Variants in ANO10 observed in about 807,000 individuals in gnomAD.
ANO10 encodes anoctamin-10.
Under a neutral mutation model 74.7 loss-of-function variants are expected in ANO10, and 77 were observed. The ratio of observed to expected loss-of-function variants is 1.03; its 90% CI spans 0.86 to 1.25. The LOEUF is 1.25. Ranked by LOEUF, ANO10 falls within the 50% of genes most tolerant of loss-of-function variation. The pLI, the probability that ANO10 is intolerant of heterozygous loss-of-function variation, is 0.00. For synonymous variants in ANO10, 279 were observed against 284.9 expected, an observed-to-expected ratio of 0.98 and a Z score of 0.21; for missense variants, 721 against 778.1, an observed-to-expected ratio of 0.93 and a Z score of 0.87.
intron 2 of ANO10, among the ~76,000 whole-genome samples, chr3:43,601,529 A>G (rs1374734804): frequency 1.3e-5 from 2 of 152,284 alleles, no homozygotes; most frequent in African/African-American, 2.4e-5. Context: ...TTTCTTTACT[A>G]TTTACCCTCT....
chr3:43,525,799 T>C (rs1028240962), intron 11 of ANO10, among the ~76,000 whole-genome samples: 1 of 152,184 alleles, frequency 6.6e-6, no homozygotes, highest in South Asian at 2.1e-4. Flanking sequence ...TTGTGAGTTT[T>C]CCTCCTTCTG....
chr3:43,655,458 A>C (rs1301441153), intron 1 of ANO10, among the ~76,000 whole-genome samples: 1 of 152,192 alleles, frequency 6.6e-6, no homozygotes, highest in African/African-American at 2.4e-5. Flanking sequence ...CAAAGAGCGA[A>C]AGAACAAAGC....
chr3:43,537,337 A>C (rs1200559890), intron 11 of ANO10, among the ~76,000 whole-genome samples: 2 of 152,262 alleles, frequency 1.3e-5, no homozygotes, highest in East Asian at 3.9e-4. Context: ...TTTGCTGTGA[A>C]ATATTCCCTC....
chr3:43,493,373 G>A (rs1018233747), intron 11 of ANO10, among the ~76,000 whole-genome samples: 2 of 151,880 alleles, frequency 1.3e-5, no homozygotes, highest in Non-Finnish European at 1.5e-5. Flanking sequence ...CGTAACAAAA[G>A]TGCATGTTCT....
chr3:43,690,985 C>T lies in ANO10; in HGVS notation c.-12+532G>A, dbSNP rs761573163. 21 of 1,572,646 alleles carry T rather than the reference C, an allele frequency of 1.3e-5. No homozygotes were observed. The Middle Eastern group carries it at 8.4e-4, about 63-fold the overall frequency. On this transcript the variant is annotated intron_variant, in intron 1 of 3. Transcript: ENST00000413397. The stretch of plus-strand genomic sequence containing the variant: ...GAGATAAGTCCCGGCGCTTGCGCGG[C>T]GGCGGCTATGGCGGCGGAGGAGGAG...
intron 11 of ANO10, among the ~76,000 whole-genome samples, chr3:43,480,213 G>A (rs1252899402): frequency 1.3e-5 from 2 of 152,192 alleles, no homozygotes; most frequent in South Asian, 2.1e-4. Context: ...ACAAAAATAG[G>A]GGGAAAACAT....
intron 11 of ANO10, among the ~76,000 whole-genome samples, chr3:43,433,803 C>T (rs1449931674): frequency 1.3e-5 from 2 of 152,148 alleles, no homozygotes; most frequent in Admixed American, 1.3e-4. Context: ...TCAACACCCA[C>T]AGAAATCTAA....
intron 1 of ANO10, among the ~76,000 whole-genome samples, chr3:43,665,215 G>A (rs2083975312): frequency 6.6e-6 from 1 of 152,188 alleles, no homozygotes; most frequent in African/African-American, 2.4e-5. Context: ...ATGAGTTCAT[G>A]TCTTTGCAGG....
At chr3:43,419,303 T>A (rs2092786432) in intron 12 of ANO10, among the ~76,000 whole-genome samples, 1 of 152,202 alleles carries the variant, frequency 6.6e-6, no homozygotes, top group Non-Finnish European at 1.5e-5. Flanking sequence ...GGGAGAGGAC[T>A]CCACAAGGGC....
intron 11 of ANO10, among the ~76,000 whole-genome samples, chr3:43,522,517 C>T (rs1430299588): frequency 2.0e-5 from 3 of 152,120 alleles, no homozygotes; most frequent in Non-Finnish European, 4.4e-5. Context: ...CTTCATACAA[C>T]TTTATGCATT....
chr3:43,425,232 G>A (rs2092881093), intron 12 of ANO10, among the ~76,000 whole-genome samples: 2 of 131,016 alleles, frequency 1.5e-5, no homozygotes, highest in African/African-American at 5.8e-5. Context: ...AAATAGAGAT[G>A]AGGTCTTGCC....
In ANO10 at chr3:43,592,764, G is replaced by A. The variant is rs372175920; in HGVS notation, c.472+5768C>T. ...GCACAGAGAATGACTTTGACGAGTT[G>A]AGAGAAGAAGGCTTCAGAAGATGGG... is the stretch of plus-strand genomic sequence containing the variant. On this transcript the variant is annotated intron_variant, in intron 4 of 12. Coordinates refer to ENST00000292246, the MANE Select transcript of ANO10 (RefSeq NM_018075.5). Among the ~76,000 whole-genome samples the A allele has an allele frequency of 2.0e-5, 3 of 152,336 alleles. 1 individual carries two copies. In the South Asian group the frequency reaches 6.2e-4, roughly 32 times the overall value.
At chr3:43,527,507 T>C (rs2078258073) in intron 11 of ANO10, among the ~76,000 whole-genome samples, 1 of 152,188 alleles carries the variant, frequency 6.6e-6, no homozygotes, top group Non-Finnish European at 1.5e-5. Flanking sequence ...CATAGGACAA[T>C]GGAGCCGTCT....
At chr3:43,420,744 T>C (rs1042347899) in intron 12 of ANO10, among the ~76,000 whole-genome samples, 2 of 152,196 alleles carry the variant, frequency 1.3e-5, no homozygotes, top group African/African-American at 4.8e-5. Context: ...CACTTAATAG[T>C]TGAAAAAAGG....
chr3:43,578,197 G>T (rs375631573), intron 5 of ANO10, among the ~76,000 whole-genome samples: 1 of 152,126 alleles, frequency 6.6e-6, no homozygotes, highest in Non-Finnish European at 1.5e-5. Flanking sequence ...CCTAACCCAA[G>T]AGCAAATGAA....
At chr3:43,629,115 C>T (rs987467061) in intron 1 of ANO10, among the ~76,000 whole-genome samples, 6 of 152,304 alleles carry the variant, frequency 3.9e-5, no homozygotes, top group Middle Eastern at 3.4e-3. Flanking sequence ...ATGTCTCCCC[C>T]GGACACCCAG....
chr3:43,489,403 G>A lies in ANO10; in HGVS notation c.1798-56676C>T, dbSNP rs187959358. ...GCATTATTTTTATAACCTTAAGGTG[G>A]TATATAAGCTTCTGTACCTTACTGA... On this transcript the variant is annotated intron_variant, in intron 11 of 12. Coordinates refer to ENST00000292246, the MANE Select transcript of ANO10 (RefSeq NM_018075.5). 1.8e-3 allele frequency among the ~76,000 whole-genome samples: 270 copies of A among 152,218 alleles called. 1 individual carries two copies. The highest frequency in any genetic ancestry group is 2.6e-3 in the Non-Finnish European group (179 of 68,004).
intron 1 of ANO10, among the ~76,000 whole-genome samples, chr3:43,641,784 GT>G (rs1322352639): frequency 1.3e-5 from 2 of 152,110 alleles, no homozygotes; most frequent in Non-Finnish European, 2.9e-5. Flanking sequence ...GCTCCTCCAA[GT>G]TTTGTTTCAT....
At chr3:43,403,508 C>G (rs2092521418) in intron 12 of ANO10, among the ~76,000 whole-genome samples, 1 of 152,192 alleles carries the variant, frequency 6.6e-6, no homozygotes, top group African/African-American at 2.4e-5. Flanking sequence ...GGGCCGGCTA[C>G]TCCAAGTCTA....
Sources: allele counts gnomAD v4.1 joint callset (sites outside exome capture counted in the v4.1 genomes callset), GRCh38; gene constraint gnomAD v4.1.1; transcripts MANE v1.5; gene names NCBI Gene and HGNC (gene_info 2026-07-23, HGNC 2026-07-21).